Variants in STARD9 observed in about 807,000 individuals in gnomAD.
STARD9 encodes the protein StAR related lipid transfer domain containing 9.
A neutral mutation model predicts 399.8 loss-of-function variants in STARD9; 346 were observed. The ratio of observed to expected loss-of-function variants is 0.87; its 90% CI spans 0.79 to 0.95. The LOEUF is 0.95. Ranked by LOEUF, STARD9 falls within the 40% of genes least tolerant of loss-of-function variation. The probability of loss-of-function intolerance (pLI) is 0.00; values close to 1 mark genes in which losing one functional copy is unlikely to be tolerated. For synonymous variants in STARD9, 2,203 were observed against 2,143.5 expected, an observed-to-expected ratio of 1.03 and a Z score of -0.77; for missense variants, 5,832 against 5,667.5, an observed-to-expected ratio of 1.03 and a Z score of -0.93.
intron 3 of STARD9, among the ~76,000 whole-genome samples, chr15:42,633,034 T>C (rs1454195143): frequency 6.6e-6 from 1 of 151,188 alleles, no homozygotes; most frequent in Non-Finnish European, 1.5e-5. Context: ...TTCCAGCTGC[T>C]GGGGGGCCAA....
intron 9 of STARD9, among the ~76,000 whole-genome samples, chr15:42,654,153 A>G (rs1307387623): frequency 1.3e-5 from 2 of 152,188 alleles, no homozygotes; most frequent in Non-Finnish European, 2.9e-5. Context: ...TAATAAAAAT[A>G]CCTAACAGTT....
intron 3 of STARD9, among the ~76,000 whole-genome samples, chr15:42,600,635 C>T (rs529792302): frequency 4.6e-4 from 69 of 151,510 alleles, no homozygotes; most frequent in African/African-American, 1.6e-3. Context: ...AAGCGGTTCT[C>T]CTGCCTCAGC....
rs190226897 is a variant in STARD9, at chr15:42,717,644, A to G, written c.13495-87A>G. 3.2e-4 allele frequency: 380 copies of G among 1,179,550 alleles called. No homozygotes were observed. The African/African-American group carries it at 5.3e-3, about 17-fold the overall frequency. The allele number at this position is 1,179,550 out of a possible 1,614,324, so 73.1% of individuals were successfully genotyped here. A position where few individuals can be genotyped will look rare whatever the true frequency, so the allele number is the denominator to read the frequency against. ...TGTCTCAAAAAAAAAGAAAAGGGGA[A>G]TTTAGCAGATGCAGGCCAGACTGAC... On this transcript the variant is annotated intron_variant, in intron 28 of 32. Coordinates refer to ENST00000290607, the MANE Select transcript of STARD9 (RefSeq NM_020759.3).
intron 9 of STARD9, among the ~76,000 whole-genome samples, chr15:42,660,509 G>A (rs2059972481): frequency 6.6e-6 from 1 of 151,574 alleles, no homozygotes; most frequent in Admixed American, 6.6e-5. Flanking sequence ...AGGTTGCAGT[G>A]GGCCGAGATC....
At chr15:42,648,136 A>T (rs67741694) in intron 7 of STARD9, among the ~76,000 whole-genome samples, 4,328 of 152,076 alleles carry the variant, frequency 0.028, 102 homozygotes, top group Non-Finnish European at 0.043. Flanking sequence ...TCTAGTGTGG[A>T]TCTGCTATTG....
chr15:42,674,263 G>A (rs919226529), intron 16 of STARD9, among the ~76,000 whole-genome samples, 177 bp from the exon 17 acceptor site: 1 of 152,194 alleles, frequency 6.6e-6, no homozygotes, highest in Non-Finnish European at 1.5e-5. Context: ...TGAGTGGGCA[G>A]AGGGTCAGAA....
intron 3 of STARD9, among the ~76,000 whole-genome samples, chr15:42,624,022 G>A (rs1174924519): frequency 6.6e-6 from 1 of 152,214 alleles, no homozygotes; most frequent in African/African-American, 2.4e-5. Flanking sequence ...TGAATGGCCT[G>A]TAGTGGGATT....
At position 42,686,348 on chromosome 15, in the gene STARD9, T is replaced by C. The variant is rs973363433; in HGVS notation, c.4770T>C (p.Tyr1590=). The C allele has an allele frequency of 1.3e-5, 20 of 1,537,402 alleles. No homozygotes were observed. The African/African-American group carries it at 1.4e-4, about 11-fold the overall frequency. ...SEKEASYDET[Y]SADLESLSAS... Reference sequence around the variant, plus strand: ...AAGAGGCGAGTTATGACGAAACTTATTCGGCAGACTTAGAATCATTGTCTG... The same window carrying C: ...AAGAGGCGAGTTATGACGAAACTTACTCGGCAGACTTAGAATCATTGTCTG... Residue 1590 remains tyrosine (Y), a synonymous_variant, in exon 23 of 33, where the codon TAT becomes TAC. Transcript: ENST00000290607.
rs1351558254 is a variant in STARD9, at chr15:42,686,023, G to A, written c.4445G>A (p.Arg1482Lys). ...ACTCATGTAGGCAGCACCCATGAAA[G>A]GGATTGGTCTGCCCTTCAGCAGAAG... ...TLTHVGSTHERDWSALQQKYL... is the reference protein window; with the variant it reads ...TLTHVGSTHEKDWSALQQKYL... Residue 1482 changes from arginine (R) to lysine (K), a missense_variant, in exon 23 of 33, where the codon AGG (arginine) becomes AAG (lysine). Coordinates refer to ENST00000290607, the MANE Select transcript of STARD9 (RefSeq NM_020759.3). The A allele has an allele frequency of 1.3e-6, 2 of 1,537,190 alleles. No homozygotes were observed. The highest frequency in any genetic ancestry group is 2.7e-5 in the African/African-American group (2 of 73,052).
intron 1 of STARD9, among the ~76,000 whole-genome samples, chr15:42,577,310 T>C (rs559499569): frequency 7.6e-4 from 115 of 152,210 alleles, no homozygotes; most frequent in African/African-American, 2.4e-3. Flanking sequence ...CCCGCCACCA[T>C]GCCCGGCTAA....
chr15:42,663,201 G>T, intron 11 of STARD9, 80 bp from the exon 12 acceptor site: 2 of 1,273,910 alleles, frequency 1.6e-6, no homozygotes, highest in Admixed American at 2.3e-5. Context: ...TTAAGTCTGT[G>T]TTCTCCAACC....
intron 7 of STARD9, among the ~76,000 whole-genome samples, chr15:42,642,670 G>A (rs1427862501): frequency 6.6e-6 from 1 of 152,044 alleles, no homozygotes; most frequent in Non-Finnish European, 1.5e-5. Context: ...AAATAAAAGT[G>A]GTGACAGTCT....
Position 42,684,379 on chromosome 15 carries a change from T to A in STARD9, c.2801T>A (p.Met934Lys). Residue 934 changes from methionine (M) to lysine (K), a missense_variant, in exon 23 of 33, where the codon ATG (methionine) becomes AAG (lysine). This residue lies in a region of STARD9 where 5,828 missense variants were observed against 5,651.1 expected (regional missense o/e 1.03). Coordinates refer to ENST00000290607, the MANE Select transcript of STARD9 (RefSeq NM_020759.3). Reference protein sequence around the residue: ...MSPNSVGIQEMEMGVKQPHQM... With the variant: ...MSPNSVGIQEKEMGVKQPHQM... Reference sequence around the variant, plus strand: ...CCCAACTCTGTTGGCATCCAGGAAATGGAGATGGGGGTTAAGCAGCCCCAT... The same window carrying A: ...CCCAACTCTGTTGGCATCCAGGAAAAGGAGATGGGGGTTAAGCAGCCCCAT... 1 of 1,536,946 alleles carries A rather than the reference T, an allele frequency of 6.5e-7. No homozygotes were observed. The highest frequency in any genetic ancestry group is 8.7e-7 in the Non-Finnish European group (1 of 1,146,796).
In STARD9 at chr15:42,719,566, G is replaced by GGT; in HGVS notation, c.14096_14097dup (p.Arg4700ValfsTer12). On this transcript the variant is annotated frameshift_variant, in exon 33 of 33. Transcript: ENST00000290607. LOFTEE classifies it high-confidence loss of function. ...TATAGCCAGACTGGCTTCCTTCCTT[G>GGT]GTAGGTAGCATCTCACCGTCAAGAT... is the stretch of plus-strand genomic sequence containing the variant. 6.5e-7 allele frequency: 1 copy of GGT among 1,534,350 alleles called. No individual in the cohort carries two copies. The highest frequency in any genetic ancestry group is 2.4e-5 in the East Asian group (1 of 40,886).
In STARD9 at chr15:42,693,620, A is replaced by C; in HGVS notation, c.12042A>C (p.Arg4014Ser). ...GGACAACTATCGGGGTCCAAAGCAG[A>C]CTGCTGCCACCACCACTGAGGCACA... ...QPRTTIGVQS[R>S]LLPPPLRHRS... is the part of the protein sequence containing the mutation. The change falls in exon 23 of 33, where the codon AGA becomes AGC. Residue 4014 changes from arginine to serine, a missense_variant. This residue lies in a region of STARD9 where 5,828 missense variants were observed against 5,651.1 expected (regional missense o/e 1.03). Coordinates refer to ENST00000290607, the MANE Select transcript of STARD9 (RefSeq NM_020759.3). 1 of 1,537,248 alleles carries C rather than the reference A, an allele frequency of 6.5e-7. No homozygotes were observed. The highest frequency in any genetic ancestry group is 8.7e-7 in the Non-Finnish European group (1 of 1,146,910).
chr15:42,598,153 T>A (rs1207560456), intron 3 of STARD9, among the ~76,000 whole-genome samples: 1 of 151,828 alleles, frequency 6.6e-6, no homozygotes, highest in Non-Finnish European at 1.5e-5. Flanking sequence ...TGCCTCAGCC[T>A]CCTGGGTAGC....
At chr15:42,716,809 G>A (rs2140420292) in intron 27 of STARD9, 45 bp downstream of exon 27, 6 of 1,521,628 alleles carry the variant, frequency 3.9e-6, no homozygotes, top group Non-Finnish European at 5.3e-6. Context: ...CCTGGTTTGG[G>A]GACTTGGGGG....
intron 25 of STARD9, 75 bp downstream of exon 25, chr15:42,695,398 T>C (rs2060821498): frequency 1.5e-6 from 2 of 1,362,340 alleles, no homozygotes; most frequent in Non-Finnish European, 2.0e-6. Context: ...CGTGGCCGCC[T>C]CTGAGTCTTG....
rs2058043486 is a variant in STARD9, at chr15:42,575,881, G to A, written c.47+119G>A. On this transcript the variant is annotated intron_variant, in intron 1 of 32. Transcript: ENST00000290607. ...AAATCGGTGACAAAGTGACCCGGGGGGTCGGGGTCCGGAATCCACGGAGGC... is the reference window on the plus strand; with the variant it reads ...AAATCGGTGACAAAGTGACCCGGGGAGTCGGGGTCCGGAATCCACGGAGGC... The A allele has an allele frequency of 5.2e-6, 6 of 1,157,286 alleles. No homozygotes were observed. In the Middle Eastern group the frequency reaches 5.8e-4, roughly 112 times the overall value. The allele number at this position is 1,157,286 out of a possible 1,614,324, so 71.7% of individuals were successfully genotyped here.
Sources: gnomAD v4.1 joint callset for allele counts (sites outside exome capture counted in the v4.1 genomes callset) on GRCh38, gnomAD v4.1.1 for gene constraint, gnomAD v4.1.1 regional missense constraint, MANE v1.5 for transcripts, NCBI Gene and HGNC (gene_info 2026-07-23, HGNC 2026-07-21) for gene names.